GABRR2: variants seen among roughly 807,000 people sequenced by gnomAD.
GABRR2 encodes the protein gamma-aminobutyric acid type A receptor subunit rho2.
In GABRR2, 36 loss-of-function variants were observed where a neutral mutation model predicts 47.0. The ratio of observed to expected loss-of-function variants is 0.77; its 90% CI spans 0.59 to 1.01. The LOEUF (loss-of-function observed/expected upper bound fraction) is 1.01. Ranked by LOEUF, GABRR2 falls within the 50% of genes least tolerant of loss-of-function variation. GABRR2 has a pLI of 0.00. For synonymous variants in GABRR2, 204 were observed against 227.5 expected (o/e 0.90, Z 0.93); for missense variants, 587 against 594.6 (o/e 0.99, Z 0.13).
chr6:89,314,911 G>A, intron 1 of GABRR2, 142 bp downstream of exon 1: 3 of 700,058 alleles, frequency 4.3e-6, no homozygotes, highest in Non-Finnish European at 7.5e-6. Context: ...GGGAGAGGCT[G>A]CGTTCAGTGA....
chr6:89,267,987 G>T (rs1433795371), intron 5 of GABRR2, 27 bp downstream of exon 5: 1 of 1,601,576 alleles, frequency 6.2e-7, no homozygotes, highest in African/African-American at 1.3e-5. Flanking sequence ...GAAAGAAAGT[G>T]AAGGAATTAG....
intron 1 of GABRR2, among the ~76,000 whole-genome samples, chr6:89,314,117 T>A (rs927622211): frequency 6.6e-6 from 1 of 151,934 alleles, no homozygotes; most frequent in African/African-American, 2.4e-5. Flanking sequence ...AATATGCATG[T>A]ATTAGAGGTA....
intron 2 of GABRR2, among the ~76,000 whole-genome samples, chr6:89,292,638 G>A (rs1472186180): frequency 1.3e-5 from 1 of 76,874 alleles, no homozygotes; most frequent in Non-Finnish European, 2.6e-5. Flanking sequence ...GATATATATC[G>A]TATCTCTGAT....
At chr6:89,303,507 T>A (rs758893831) in intron 1 of GABRR2, among the ~76,000 whole-genome samples, 2 of 152,152 alleles carry the variant, frequency 1.3e-5, no homozygotes, top group Non-Finnish European at 1.5e-5. Context: ...AAAATGGTCA[T>A]ACTGCCTAAA....
At chr6:89,285,653 T>C (rs1355153477) in intron 2 of GABRR2, among the ~76,000 whole-genome samples, 1 of 151,990 alleles carries the variant, frequency 6.6e-6, no homozygotes, top group Non-Finnish European at 1.5e-5. Flanking sequence ...GCCTGGTGGG[T>C]GATGCTGATC....
intron 1 of GABRR2, among the ~76,000 whole-genome samples, chr6:89,305,056 GA>G (rs1767534693): frequency 6.6e-6 from 1 of 152,218 alleles, no homozygotes; most frequent in Non-Finnish European, 1.5e-5. Flanking sequence ...GTGACAGATT[GA>G]ATAAAGACAA....
At position 89,304,512 on chromosome 6, in the gene GABRR2, C is replaced by A. The variant is rs574197194; in HGVS notation, c.114-4647G>T. Among the ~76,000 whole-genome samples, 7 of 151,612 alleles carry A rather than the reference C, an allele frequency of 4.6e-5. No individual in the cohort carries two copies. The East Asian group carries it at 1.4e-3, about 29-fold the overall frequency. ...ACTGAGGCACGAGAATCACTTGAAC[C>A]TGGGAGGCAGAGGTTGCAGTGAGCT... is the stretch of plus-strand genomic sequence containing the variant. On this transcript the variant is annotated intron_variant, in intron 1 of 8. Coordinates refer to ENST00000402938, the MANE Select transcript of GABRR2 (RefSeq NM_002043.5).
At position 89,255,158 on chromosome 6, in the gene GABRR2, C is replaced by T. The variant is rs143352296; in HGVS notation, c.*2512G>A. Among the ~76,000 whole-genome samples the T allele has an allele frequency of 3.3e-3, 498 of 152,252 alleles. 1 individual carries two copies. The highest frequency in any genetic ancestry group is 0.012 in the African/African-American group (481 of 41,544). Reference sequence around the variant, plus strand: ...TCTCTATAGATAAAAGGTTTCTGGCCGGGTGTGGTGGCTCACGCCTGTAAT... The same window carrying T: ...TCTCTATAGATAAAAGGTTTCTGGCTGGGTGTGGTGGCTCACGCCTGTAAT... On this transcript the variant is annotated 3_prime_UTR_variant, in exon 9 of 9. Transcript: ENST00000402938.
At chr6:89,306,380 G>A (rs1767560058) in intron 1 of GABRR2, among the ~76,000 whole-genome samples, 3 of 152,110 alleles carry the variant, frequency 2.0e-5, no homozygotes, top group Admixed American at 6.6e-5. Flanking sequence ...AAAAATTCTC[G>A]TGATGTTATA....
intron 1 of GABRR2, chr6:89,301,898 A>T: frequency 8.9e-7 from 1 of 1,117,888 alleles, no homozygotes; most frequent in East Asian, 2.4e-5. Flanking sequence ...TACGTGGGGA[A>T]CTCGGACTTG....
intron 1 of GABRR2, among the ~76,000 whole-genome samples, chr6:89,307,883 C>G (rs1386558582): frequency 7.4e-6 from 1 of 134,718 alleles, no homozygotes; most frequent in African/African-American, 2.8e-5. Flanking sequence ...ATGGTGAGAT[C>G]TTGGCTCACT....
At chr6:89,278,253 G>C (rs1312310467) in intron 2 of GABRR2, among the ~76,000 whole-genome samples, 1 of 152,186 alleles carries the variant, frequency 6.6e-6, no homozygotes, top group Admixed American at 6.5e-5. Context: ...AGAATAAAAA[G>C]TGAAGGAAGT....
intron 1 of GABRR2, chr6:89,301,963 C>A: frequency 1.1e-6 from 1 of 869,978 alleles, no homozygotes; most frequent in Non-Finnish European, 1.9e-6. Flanking sequence ...TAAGTATGTG[C>A]CTCGGGCCAT....
In GABRR2 at chr6:89,269,202, G is replaced by T; in HGVS notation, c.321C>A (p.Tyr107Ter). Residue 107 changes from tyrosine to a stop codon, truncating the protein, a stop_gained, in exon 4 of 9, where the codon TAC becomes TAA. Coordinates refer to ENST00000402938, the MANE Select transcript of GABRR2 (RefSeq NM_002043.5). LOFTEE classifies it high-confidence loss of function. ...AGAAAGCTAGCCTCTCATCCTTCCA[G>T]TAATGCCGCAGGTACAGGGTCATAG... ...DFTMTLYLRH[Y>*]WKDERLAFSS... 6.2e-7 allele frequency: 1 copy of T among 1,614,020 alleles called. No homozygotes were observed. The highest frequency in any genetic ancestry group is 1.1e-5 in the South Asian group (1 of 91,084).
In GABRR2 at chr6:89,264,559, G is replaced by A. The variant is rs866469747; in HGVS notation, c.939C>T (p.Ala313=). Residue 313 remains alanine, a synonymous_variant, in exon 8 of 9, where the codon GCC becomes GCT. Transcript: ENST00000402938. ...TGACGTAGGAGACGCGCGGCATGGA[G>A]GCATTCACGCCCGTGATGATGGTGG... ...TMTTIITGVN[A]SMPRVSYVKA... is the part of the protein sequence containing the mutation. 6.2e-7 allele frequency: 1 copy of A among 1,614,180 alleles called. No individual in the cohort carries two copies. Among genetic ancestry groups the A allele is most frequent in the Non-Finnish European group, 8.5e-7 (1 of 1,180,024 alleles).
intron 2 of GABRR2, among the ~76,000 whole-genome samples, chr6:89,277,008 G>T (rs1214653096): frequency 2.6e-5 from 4 of 152,124 alleles, no homozygotes; most frequent in African/African-American, 9.7e-5. Context: ...AATATATCAT[G>T]TTCATGTATT....
intron 1 of GABRR2, 139 bp downstream of exon 1, chr6:89,314,914 T>C: frequency 1.4e-6 from 1 of 715,516 alleles, no homozygotes; most frequent in Non-Finnish European, 2.4e-6. Flanking sequence ...AGAGGCTGCG[T>C]TCAGTGAAGT....
At chr6:89,301,326 G>A (rs942794439) in intron 1 of GABRR2, among the ~76,000 whole-genome samples, 4 of 152,124 alleles carry the variant, frequency 2.6e-5, no homozygotes, top group African/African-American at 9.7e-5. Flanking sequence ...AGACAAGGGT[G>A]CCCTCTCTCA....
intron 1 of GABRR2, among the ~76,000 whole-genome samples, chr6:89,312,784 C>T (rs1463183678): frequency 6.6e-6 from 1 of 152,240 alleles, no homozygotes; most frequent in South Asian, 2.1e-4. Context: ...CCCAGAACCA[C>T]ATTCCCTGTC....
Sources: gnomAD v4.1 joint callset for allele counts (sites outside exome capture counted in the v4.1 genomes callset) on GRCh38, gnomAD v4.1.1 for gene constraint, MANE v1.5 for transcripts, NCBI Gene and HGNC (gene_info 2026-07-23, HGNC 2026-07-21) for gene names.